CXCL13: variants seen among roughly 807,000 people sequenced by gnomAD.
CXCL13 encodes the protein C-X-C motif chemokine 13.
A neutral mutation model predicts 12.2 loss-of-function variants in CXCL13; 7 were observed. The ratio of observed to expected loss-of-function variants is 0.57; its 90% CI spans 0.33 to 1.07. The LOEUF (loss-of-function observed/expected upper bound fraction) is 1.07. Ranked by LOEUF, CXCL13 falls within the 50% of genes least tolerant of loss-of-function variation. CXCL13 has a pLI of 0.04. For missense variants in CXCL13, 113 were observed against 127.4 expected (o/e 0.89, Z 0.55); for synonymous variants, 47 against 42.4 (o/e 1.11, Z -0.42).
chr4:77,528,820 T>G (rs1169942981), intron 1 of CXCL13, among the ~76,000 whole-genome samples: 1 of 152,250 alleles, frequency 6.6e-6, no homozygotes, highest in African/African-American at 2.4e-5. Context: ...TTGTTGCCAT[T>G]GCTTTTGGTG....
chr4:77,603,810 C>G (rs1553918397), upstream of CXCL13, among the ~76,000 whole-genome samples: 1 of 152,208 alleles, frequency 6.6e-6, no homozygotes, highest in Non-Finnish European at 1.5e-5. Context: ...GACAGACAGG[C>G]AGGCTATTTA....
At chr4:77,525,763 A>G (rs1027367975) in intron 1 of CXCL13, among the ~76,000 whole-genome samples, 4 of 152,202 alleles carry the variant, frequency 2.6e-5, no homozygotes, top group African/African-American at 7.2e-5. Flanking sequence ...AATAACACTC[A>G]TGGTCACAGA....
intron 1 of CXCL13, among the ~76,000 whole-genome samples, chr4:77,526,837 C>T (rs1217834428): frequency 6.6e-6 from 1 of 152,092 alleles, no homozygotes; most frequent in Non-Finnish European, 1.5e-5. Flanking sequence ...TGAGCTGAGA[C>T]CCAAAGCCAA....
At chr4:77,512,132 T>C (rs17406380) in intron 1 of CXCL13, among the ~76,000 whole-genome samples, 1,613 of 152,280 alleles carry the variant, frequency 0.011, 19 homozygotes, top group Non-Finnish European at 0.015. Flanking sequence ...TGAATCTGAT[T>C]TTTACTTCCA....
chr4:77,547,343 C>G (rs184391542), intron 1 of CXCL13, among the ~76,000 whole-genome samples: 2 of 152,266 alleles, frequency 1.3e-5, no homozygotes, highest in East Asian at 3.9e-4. Context: ...TTACATATCA[C>G]ATTATTATTG....
chr4:77,586,506 G>T (rs1295431498), intron 1 of CXCL13, among the ~76,000 whole-genome samples: 1 of 152,110 alleles, frequency 6.6e-6, no homozygotes, highest in Non-Finnish European at 1.5e-5. Flanking sequence ...AACAAAACAG[G>T]CAGTATGCAT....
Position 77,552,193 on chromosome 4 carries a change from A to G in CXCL13, c.-43+40405A>G, listed in dbSNP as rs368064176. 2.0e-5 allele frequency among the ~76,000 whole-genome samples: 3 copies of G among 152,130 alleles called. No homozygotes were observed. In the South Asian group the frequency reaches 6.2e-4, roughly 31 times the overall value. On this transcript the variant is annotated intron_variant, in intron 1 of 4. Transcript: ENST00000286758. Reference sequence around the variant, plus strand: ...AGAATTCTTGTGTCAGTTCCTTCTTACCTAGAGATGCTAGCACTTCTAATA... The same window carrying G: ...AGAATTCTTGTGTCAGTTCCTTCTTGCCTAGAGATGCTAGCACTTCTAATA...
At chr4:77,594,670 A>C (rs957240241) in intron 1 of CXCL13, among the ~76,000 whole-genome samples, 3 of 151,780 alleles carry the variant, frequency 2.0e-5, no homozygotes, top group Non-Finnish European at 4.4e-5. Context: ...TCCACATTCA[A>C]CAACCTCATT....
intron 1 of CXCL13, among the ~76,000 whole-genome samples, chr4:77,513,820 T>TTA (rs201121501): frequency 4.1e-5 from 6 of 145,724 alleles, no homozygotes; most frequent in African/African-American, 1.6e-4. Context: ...TTTTTTTTTT[T>TTA]ATACTTTAAG....
chr4:77,569,742 C>A (rs996634165), intron 1 of CXCL13, among the ~76,000 whole-genome samples: 6 of 152,168 alleles, frequency 3.9e-5, no homozygotes, highest in African/African-American at 1.2e-4. Context: ...ATTAAACTAC[C>A]AAGGACATTC....
At chr4:77,591,737 C>T (rs1726616818) in intron 1 of CXCL13, among the ~76,000 whole-genome samples, 1 of 152,132 alleles carries the variant, frequency 6.6e-6, no homozygotes, top group African/African-American at 2.4e-5. Flanking sequence ...AGGACCCAGG[C>T]CACACTTGGC....
chr4:77,525,591 G>A (rs1343839750), intron 1 of CXCL13, among the ~76,000 whole-genome samples: 1 of 152,120 alleles, frequency 6.6e-6, no homozygotes, highest in Non-Finnish European at 1.5e-5. Flanking sequence ...ATGTTTAGCT[G>A]TAGAACATAT....
At chr4:77,525,615 CT>C (rs541515249) in intron 1 of CXCL13, among the ~76,000 whole-genome samples, 73 of 147,570 alleles carry the variant, frequency 4.9e-4, no homozygotes, top group Admixed American at 7.4e-4. Flanking sequence ...ACAGTTGAGT[CT>C]TTTTTTTTTA....
Position 77,559,287 on chromosome 4 carries a change from G to A in CXCL13, c.-42-46537G>A, listed in dbSNP as rs79805707. On this transcript the variant is annotated intron_variant, in intron 1 of 4. Transcript: ENST00000286758. ...GAGAGAGGGGAAAGAAGGAGACTGG[G>A]CAGAGGAAGAAATTGAGATATGATG... Among the ~76,000 whole-genome samples, 270 of 152,298 alleles carry A rather than the reference G, an allele frequency of 1.8e-3. 9 individuals carry two copies. In the East Asian group the frequency reaches 0.045, roughly 25 times the overall value.
At chr4:77,543,849 T>A (rs968965783) in intron 1 of CXCL13, among the ~76,000 whole-genome samples, 2 of 152,160 alleles carry the variant, frequency 1.3e-5, no homozygotes, top group Non-Finnish European at 2.9e-5. Context: ...CTGCACCCAC[T>A]AACTCGTCAT....
At chr4:77,530,506 G>A (rs1724884086) in intron 1 of CXCL13, among the ~76,000 whole-genome samples, 1 of 152,166 alleles carries the variant, frequency 6.6e-6, no homozygotes, top group African/African-American at 2.4e-5. Context: ...AGTCTTGTGA[G>A]GGTGTATGTG....
Position 77,610,641 on chromosome 4 carries a change from G to A in CXCL13, c.225G>A (p.Val75=), listed in dbSNP as rs746527585. The A allele has an allele frequency of 1.9e-6, 3 of 1,613,310 alleles. No individual in the cohort carries two copies. The South Asian group carries it at 3.3e-5, about 18-fold the overall frequency. The change falls in exon 3 of 4, where the codon GTG becomes GTA. Residue 75 remains valine, a synonymous_variant. Coordinates refer to ENST00000682537, the MANE Select transcript of CXCL13 (RefSeq NM_001371558.1). ...TCTGGAAGAAGAACAAGTCAATTGT[G>A]TGTGTGGACCCTCAAGCTGAATGGA... The part of the protein sequence containing the change: ...IIVWKKNKSI[V]CVDPQAEWIQ...
chr4:77,566,783 C>A (rs1453163070), intron 1 of CXCL13, among the ~76,000 whole-genome samples: 1 of 152,296 alleles, frequency 6.6e-6, no homozygotes, highest in Non-Finnish European at 1.5e-5. Flanking sequence ...TAACCAATCA[C>A]TACAAAACGT....
rs183985412 is a variant in CXCL13 at position 77,582,010 on chromosome 4, C to T, written c.-42-23814C>T. Among the ~76,000 whole-genome samples, 19 of 152,254 alleles carry T rather than the reference C, an allele frequency of 1.2e-4. No homozygotes were observed. In the East Asian group the frequency reaches 3.7e-3, roughly 29 times the overall value. On this transcript the variant is annotated intron_variant, in intron 1 of 4. Coordinates refer to the CXCL13 transcript ENST00000286758. ...AAATCCAGTGCCCTTTTCCTCAGTT[C>T]TCACTTTCCTCAATGCTTTGCCTTT...
Sources: gnomAD v4.1 joint callset for allele counts (sites outside exome capture counted in the v4.1 genomes callset) on GRCh38, gnomAD v4.1.1 for gene constraint, MANE v1.5 for transcripts, NCBI Gene and HGNC (gene_info 2026-07-23, HGNC 2026-07-21) for gene names.